The following GSE1 variants were observed in gnomAD, a reference collection of about 807,000 sequenced individuals.
GSE1 encodes the protein Gse1 coiled-coil protein.
In GSE1, 32 loss-of-function variants were observed where a neutral mutation model predicts 112.6. The observed-to-expected ratio is 0.28, with a 90% CI of 0.21 to 0.38. GSE1 has a LOEUF of 0.38. Among genes scored for constraint, GSE1 ranks in the 10% least tolerant of loss-of-function variants. GSE1 has a pLI of 1.00. For missense variants in GSE1, 2,348 were observed against 1,699.2 expected, an observed-to-expected ratio of 1.38 and a Z score of -6.71; for synonymous variants, 1,115 against 735.6, an observed-to-expected ratio of 1.52 and a Z score of -8.35.
intron 2 of GSE1, among the ~76,000 whole-genome samples, chr16:85,536,844 C>T (rs1365163551): frequency 2.6e-5 from 4 of 152,198 alleles, no homozygotes; most frequent in South Asian, 2.1e-4. Context: ...GGGCTGCTGT[C>T]AGGAAAGATC....
chr16:85,421,260 T>TG lies in GSE1; in HGVS notation c.2464+63624dup, dbSNP rs147533178. 2.7e-3 allele frequency among the ~76,000 whole-genome samples: 414 copies of TG among 151,956 alleles called. 4 individuals are homozygous for TG. The highest frequency in any genetic ancestry group is 9.4e-3 in the African/African-American group (389 of 41,472). ...GATTTGGGCCCAAGACTGGGGTCCC[T>TG]GGGGGGGTCTCTCGGGCCCTGGCCC... On this transcript the variant is annotated intron_variant, in intron 2 of 2. Transcript: ENST00000637419.
At chr16:85,266,026 G>C (rs1379299392) in intron 1 of GSE1, among the ~76,000 whole-genome samples, 1 of 152,182 alleles carries the variant, frequency 6.6e-6, no homozygotes, top group Non-Finnish European at 1.5e-5. Context: ...TGGAATGATG[G>C]ATTTCAGGCC....
chr16:85,530,152 C>G lies in GSE1; in HGVS notation c.2465-103762C>G, dbSNP rs573189273. ...CCTGCCGTCCTGCCTCCTCCGGCCC[C>G]CGATTTCCAGCTCAGCCGTCTGCCT... On this transcript the variant is annotated intron_variant, in intron 2 of 2. Transcript: ENST00000637419. Among the ~76,000 whole-genome samples the G allele has an allele frequency of 1.9e-4, 29 of 152,342 alleles. No individual in the cohort carries two copies. The East Asian group carries it at 5.4e-3, about 28-fold the overall frequency.
intron 2 of GSE1, among the ~76,000 whole-genome samples, chr16:85,418,845 T>C (rs911220670): frequency 2.7e-4 from 41 of 152,108 alleles, no homozygotes; most frequent in Admixed American, 2.6e-3. Context: ...GTTTTGAGCA[T>C]AGAGCTGTCA....
At chr16:85,600,562 AACACAC>A (rs144938363) in intron 1 of GSE1, among the ~76,000 whole-genome samples, 7 of 148,550 alleles carry the variant, frequency 4.7e-5, no homozygotes, top group African/African-American at 1.5e-4. Flanking sequence ...CTTGTTAAAA[AACACAC>A]ACACACACAC....
chr16:85,280,642 C>G (rs1395467437), intron 1 of GSE1, among the ~76,000 whole-genome samples: 1 of 152,178 alleles, frequency 6.6e-6, no homozygotes, highest in Non-Finnish European at 1.5e-5. Context: ...GTGATCCGCC[C>G]ACCTCAGCCT....
rs776694755 is a variant in GSE1 at position 85,672,578 on chromosome 16, ATAT to A, written c.*43_*45del. ...ACTAGGCCGAACCTATAGTATAGAA[ATAT>A]TATCTATTTTATTACCTTGAATATT... On this transcript the variant is annotated 3_prime_UTR_variant, in exon 16 of 16. Transcript: ENST00000253458. 3.0e-5 allele frequency: 42 copies of A among 1,411,972 alleles called. No individual in the cohort carries two copies. In the South Asian group the frequency reaches 4.3e-4, roughly 14 times the overall value. 87.5% of individuals were successfully genotyped at this position (1,411,972 alleles called of 1,614,324 possible). A position where few individuals can be genotyped will look rare whatever the true frequency, so the allele number is the denominator to read the frequency against.
chr16:85,609,645 G>A (rs2047876603), upstream of GSE1, among the ~76,000 whole-genome samples: 2 of 152,040 alleles, frequency 1.3e-5, no homozygotes, highest in Admixed American at 1.3e-4. Flanking sequence ...ATCTGAGATG[G>A]AAAGCTTTCT....
intron 2 of GSE1, among the ~76,000 whole-genome samples, chr16:85,485,376 C>T (rs1373594142): frequency 1.3e-5 from 2 of 151,828 alleles, no homozygotes; most frequent in Non-Finnish European, 2.9e-5. Context: ...TACTGTCACA[C>T]CAGGGGCGGT....
rs535948488 is a variant in GSE1, at chr16:85,174,945, T to C, written c.2283+3138T>C. On this transcript the variant is annotated intron_variant, in intron 1 of 2. Coordinates refer to the GSE1 transcript ENST00000637419. ...TCTTTTGGGGGGTGGTTTGAGAATT[T>C]AGGTGGGATGAGGAGGGCAGTGGAA... is the stretch of plus-strand genomic sequence containing the variant. Among the ~76,000 whole-genome samples, 42 of 152,198 alleles carry C rather than the reference T, an allele frequency of 2.8e-4. No homozygotes were observed. The South Asian group carries it at 8.3e-3, about 30-fold the overall frequency.
intron 1 of GSE1, among the ~76,000 whole-genome samples, chr16:85,207,108 T>C (rs2075132027): frequency 6.6e-6 from 1 of 152,206 alleles, no homozygotes; most frequent in African/African-American, 2.4e-5. Context: ...CTTGGGGCTC[T>C]TGGCGTCTGC....
chr16:85,350,071 C>G (rs1397049829), intron 1 of GSE1, among the ~76,000 whole-genome samples: 1 of 152,192 alleles, frequency 6.6e-6, no homozygotes, highest in African/African-American at 2.4e-5. Flanking sequence ...TTCTGAGCCT[C>G]TGAGAATTCA....
At chr16:85,532,790 G>T (rs117745457) in intron 2 of GSE1, among the ~76,000 whole-genome samples, 2 of 152,198 alleles carry the variant, frequency 1.3e-5, no homozygotes, top group East Asian at 3.8e-4. Context: ...TTGGAGTCAC[G>T]CCTGTTCTTA....
chr16:85,276,407 A>G (rs1458984560), intron 1 of GSE1, among the ~76,000 whole-genome samples: 1 of 152,218 alleles, frequency 6.6e-6, no homozygotes, highest in Non-Finnish European at 1.5e-5. Flanking sequence ...CAGCTTGGCC[A>G]GGTCAGCGAT....
At chr16:85,301,284 G>C (rs1411334329) in intron 1 of GSE1, among the ~76,000 whole-genome samples, 1 of 152,240 alleles carries the variant, frequency 6.6e-6, no homozygotes, top group Non-Finnish European at 1.5e-5. Flanking sequence ...TGTTTGCTAA[G>C]AACCCAGGCA....
chr16:85,294,609 G>T (rs1471441994), intron 1 of GSE1, among the ~76,000 whole-genome samples: 1 of 117,124 alleles, frequency 8.5e-6, no homozygotes, highest in African/African-American at 3.8e-5. Flanking sequence ...TTGCCAGCAC[G>T]CCTCTCACTC....
At chr16:85,602,007 G>A (rs73271234) in intron 1 of GSE1, among the ~76,000 whole-genome samples, 9,213 of 151,960 alleles carry the variant, frequency 0.061, 912 homozygotes, top group African/African-American at 0.21. Context: ...GGGAGGGAGA[G>A]GGAGAAGACG....
chr16:85,656,714 G>C (rs114192686), intron 7 of GSE1, 49 bp downstream of exon 7: 2 of 1,447,822 alleles, frequency 1.4e-6, no homozygotes, highest in Non-Finnish European at 1.8e-6. Flanking sequence ...AGCCACCCGC[G>C]GGGAGGAGCC....
At chr16:85,215,415 T>A (rs982552299) in intron 1 of GSE1, among the ~76,000 whole-genome samples, 1 of 152,000 alleles carries the variant, frequency 6.6e-6, no homozygotes, top group Non-Finnish European at 1.5e-5. Flanking sequence ...GGAAGGGTTG[T>A]GGGGGGGCCA....
Sources: gnomAD v4.1 joint callset for allele counts (sites outside exome capture counted in the v4.1 genomes callset) on GRCh38, gnomAD v4.1.1 for gene constraint, MANE v1.5 for transcripts, NCBI Gene and HGNC (gene_info 2026-07-23, HGNC 2026-07-21) for gene names.